The following EPHB4 variants were observed in gnomAD, a reference collection of about 807,000 sequenced individuals.
EPHB4 encodes the protein EPH receptor B4.
Under a neutral mutation model 110.6 loss-of-function variants are expected in EPHB4, and 50 were observed. That is an observed-to-expected ratio of 0.45 (90% CI 0.36 to 0.57). The LOEUF (loss-of-function observed/expected upper bound fraction) is 0.57, where lower values mean the gene tolerates loss of function less well. EPHB4 is among the 20% of genes least tolerant of loss of function. The pLI, the probability that EPHB4 is intolerant of heterozygous loss-of-function variation, is 0.00. For synonymous variants in EPHB4, 592 were observed against 578.4 expected (o/e 1.02, Z -0.34); for missense variants, 1,128 against 1,382.1 (o/e 0.82, Z 2.91).
rs1286422280 is a variant in EPHB4 at position 100,817,331 on chromosome 7, C to A, written c.1449G>T (p.Arg483=). Residue 483 remains arginine, a synonymous_variant, in exon 8 of 17, where the codon CGG becomes CGT. Transcript: ENST00000358173. Reference sequence around the variant, plus strand: ...CCCGGTTTTCTGACGTCTTCAGGAACCGCACGCTGCTGGGACCCTCGGCGC... The same window carrying A: ...CCCGGTTTTCTGACGTCTTCAGGAAACGCACGCTGCTGGGACCCTCGGCGC... ...EKGAEGPSSV[R]FLKTSENRAE... 3 of 1,582,690 alleles carry A rather than the reference C, an allele frequency of 1.9e-6. No individual in the cohort carries two copies. Among genetic ancestry groups the A allele is most frequent in the Non-Finnish European group, 2.6e-6 (3 of 1,165,610 alleles).
Position 100,822,623 on chromosome 7 carries a change from C to T in EPHB4, c.456G>A (p.Gly152=). ...CATTCACCTTCCCGGTGGCCTCGGC[C>T]CCAGGGCGCTTCCGGGTGAGATGCT... ...AAEHLTRKRP[G]AEATGKVNVK... The change falls in exon 4 of 17, where the codon GGG becomes GGA. Residue 152 remains glycine, a synonymous_variant. Coordinates refer to ENST00000358173, the MANE Select transcript of EPHB4 (RefSeq NM_004444.5). The surrounding 1 kb of genome is among the most constrained non-coding windows in gnomAD (Gnocchi z 4.7). 6.3e-7 allele frequency: 1 copy of T among 1,598,830 alleles called. No homozygotes were observed. The highest frequency in any genetic ancestry group is 8.5e-7 in the Non-Finnish European group (1 of 1,170,362).
At chr7:100,814,755 C>T (rs1584659512) in intron 8 of EPHB4, among the ~76,000 whole-genome samples, 1 of 152,176 alleles carries the variant, frequency 6.6e-6, no homozygotes, top group Non-Finnish European at 1.5e-5. Context: ...TGGCTCATGC[C>T]TGTAATCCCA....
intron 15 of EPHB4, 63 bp downstream of exon 15, chr7:100,805,438 C>A: frequency 1.9e-6 from 3 of 1,548,698 alleles, no homozygotes; most frequent in Non-Finnish European, 2.6e-6. Context: ...AATGAACGGA[C>A]ACTTCTGGGC....
At chr7:100,805,424 C>A in intron 15 of EPHB4, 77 bp downstream of exon 15, 1 of 1,566,340 alleles carries the variant, frequency 6.4e-7, no homozygotes, top group Non-Finnish European at 8.7e-7. Flanking sequence ...TCCCACCCAA[C>A]ACCAATGAAC....
Position 100,813,667 on chromosome 7 carries a change from A to G in EPHB4, c.1741T>C (p.Tyr581His), listed in dbSNP as rs761026476. ...EAEYSDKHGQ[Y>H]LIGHGTKVYI... is the part of the protein sequence containing the mutation. ...GGCAACCCACCATGTCCGATGAGATACTGTCCGTGTTTGTCCGAATATTCT... is the reference window on the plus strand; with the variant it reads ...GGCAACCCACCATGTCCGATGAGATGCTGTCCGTGTTTGTCCGAATATTCT... Residue 581 changes from tyrosine to histidine, a missense_variant, in exon 10 of 17, where the codon TAT (tyrosine) becomes CAT (histidine). Around this residue, in one of 3 missense-constraint regions of EPHB4, gnomAD observed 728 missense variants for 828.6 expected, o/e 0.88. Coordinates refer to ENST00000358173, the MANE Select transcript of EPHB4 (RefSeq NM_004444.5). 6.2e-7 allele frequency: 1 copy of G among 1,614,136 alleles called. No individual in the cohort carries two copies. The highest frequency in any genetic ancestry group is 8.5e-7 in the Non-Finnish European group (1 of 1,180,018).
Position 100,822,756 on chromosome 7 carries a change from A to AC in EPHB4, c.412-90dup. On this transcript the variant is annotated intron_variant, in intron 3 of 16. Coordinates refer to ENST00000358173, the MANE Select transcript of EPHB4 (RefSeq NM_004444.5). This position sits in a 1 kb window ranked among gnomAD's most constrained non-coding sequence, Gnocchi z 4.7. ...TGTTCTTCCCAGCTCACCCTCCCGG[A>AC]CCTCCTTGGTTCCCGTTCCAGAATC... 1 of 1,429,394 alleles carries AC rather than the reference A, an allele frequency of 7.0e-7. No individual in the cohort carries two copies. Among genetic ancestry groups the AC allele is most frequent in the Non-Finnish European group, 9.2e-7 (1 of 1,092,702 alleles). 88.5% of individuals were successfully genotyped at this position (1,429,394 alleles called of 1,614,324 possible).
chr7:100,827,024 G>A lies in EPHB4; in HGVS notation c.7C>T (p.Leu3Phe). The A allele has an allele frequency of 6.3e-7, 1 of 1,584,394 alleles. No individual in the cohort carries two copies. The highest frequency in any genetic ancestry group is 8.6e-7 in the Non-Finnish European group (1 of 1,165,836). MELRVLLCWASLA... is the reference protein window; with the variant it reads MEFRVLLCWASLA... ...GAAGCCCAGCAGAGCAGCACCCGGA[G>A]CTCCATGGCGCCGCCTCACTCGGGT... Residue 3 changes from leucine (L) to phenylalanine (F), a missense_variant, in exon 1 of 17, where the codon CTC (leucine) becomes TTC (phenylalanine). Physicochemically the swap from Leu to Phe is conservative, Grantham distance 22 (BLOSUM62 0). Around this residue, in one of 3 missense-constraint regions of EPHB4, gnomAD observed 728 missense variants for 828.6 expected, o/e 0.88. Coordinates refer to ENST00000358173, the MANE Select transcript of EPHB4 (RefSeq NM_004444.5).
intron 8 of EPHB4, among the ~76,000 whole-genome samples, chr7:100,816,579 C>T (rs941464633): frequency 6.6e-6 from 1 of 152,038 alleles, no homozygotes; most frequent in African/African-American, 2.4e-5. Context: ...AGTGATCCTC[C>T]TGCTTCAGCC....
At chr7:100,815,850 C>T (rs1315402740) in intron 8 of EPHB4, among the ~76,000 whole-genome samples, 2 of 151,862 alleles carry the variant, frequency 1.3e-5, no homozygotes, top group Admixed American at 1.3e-4. Context: ...TAGTTGAGCA[C>T]GGTAGCACAT....
At position 100,823,698 on chromosome 7, in the gene EPHB4, A is replaced by G. The variant is rs1190824039; in HGVS notation, c.357T>C (p.Asp119=). ...ETFTVFYYES[D]ADTATALTPA... is the part of the protein sequence containing the mutation. ...GCGTGAGGGCCGTGGCCGTGTCCGC[A>G]TCGCTCTCATAGTAGAAGACGGTGA... Residue 119 remains aspartate, a synonymous_variant, in exon 3 of 17, where the codon GAT becomes GAC. Coordinates refer to ENST00000358173, the MANE Select transcript of EPHB4 (RefSeq NM_004444.5). 7 of 1,613,576 alleles carry G rather than the reference A, an allele frequency of 4.3e-6. No individual in the cohort carries two copies. The highest frequency in any genetic ancestry group is 3.3e-5 in the South Asian group (3 of 91,088).
At chr7:100,807,336 C>T in intron 13 of EPHB4, 29 bp downstream of exon 13, 1 of 1,609,486 alleles carries the variant, frequency 6.2e-7, no homozygotes, top group Non-Finnish European at 8.5e-7. Context: ...CCCTAAGAAG[C>T]TCACACCCAG....
At chr7:100,813,305 GGTTTT>G in intron 10 of EPHB4, 97 bp from the exon 11 acceptor site, 1 of 614,780 alleles carries the variant, frequency 1.6e-6, no homozygotes, top group Non-Finnish European at 2.5e-6. Flanking sequence ...CTGTCTCCGT[GGTTTT>G]TTTTTTTTTT....
Position 100,820,280 on chromosome 7 carries a change from G to T in EPHB4, c.825C>A (p.Thr275=), listed in dbSNP as rs755054849. 14 of 1,613,804 alleles carry T rather than the reference G, an allele frequency of 8.7e-6. No individual in the cohort carries two copies. The highest frequency in any genetic ancestry group is 1.1e-5 in the Non-Finnish European group (13 of 1,179,998). ...ACCCTTCTCCTGACAGGGGCTTGAA[G>T]GTGCCCTGGGCACAGGCTGAGAGAG... ...NTKCRACAQG[T]FKPLSGEGSC... Residue 275 remains threonine, a synonymous_variant, in exon 5 of 17, where the codon ACC becomes ACA. Transcript: ENST00000358173.
chr7:100,812,969 C>G lies in EPHB4; in HGVS notation c.1896G>C (p.Gly632=). ...GAGEFGEVCR[G]RLKAPGKKES... is the part of the protein sequence containing the mutation. ...CCTTCTTCCCTGGGGCCTTGAGCCG[C>G]CCCCGGCACACCTCGCCAAACTCAC... Residue 632 remains glycine (G), a synonymous_variant, in exon 12 of 17, where the codon GGG becomes GGC. Coordinates refer to ENST00000358173, the MANE Select transcript of EPHB4 (RefSeq NM_004444.5). 6.2e-7 allele frequency: 1 copy of G among 1,613,692 alleles called. No individual in the cohort carries two copies.
intron 16 of EPHB4, among the ~76,000 whole-genome samples, chr7:100,804,950 G>A (rs1292628646): frequency 1.3e-5 from 2 of 152,242 alleles, no homozygotes; most frequent in Middle Eastern, 3.2e-3. Context: ...GGCAGGAGGA[G>A]GTGAGGCGGG....
chr7:100,813,893 GGGCCTCT>G lies in EPHB4; in HGVS notation c.1691+19_1691+25del. On this transcript the variant is annotated intron_variant, in intron 9 of 16. Transcript: ENST00000358173. ...GTGGCCATCAACTGAGGGCTTCCAG[GGGCCTCT>G]GGGTGTCAGAGCCCTTACCTGAGGC... The G allele has an allele frequency of 6.2e-7, 1 of 1,612,686 alleles. No homozygotes were observed.
Position 100,827,086 on chromosome 7 carries a change from C to CA in EPHB4, c.-57dup. 1 of 1,537,150 alleles carries CA rather than the reference C, an allele frequency of 6.5e-7. No individual in the cohort carries two copies. The highest frequency in any genetic ancestry group is 8.8e-7 in the Non-Finnish European group (1 of 1,136,434). On this transcript the variant is annotated 5_prime_UTR_variant, in exon 1 of 17. Coordinates refer to ENST00000358173, the MANE Select transcript of EPHB4 (RefSeq NM_004444.5). ...TGAGTTTGGGGGGCCCTCGCCCCCC[C>CA]AGGTCTGACTCTCCCTGGGCGGGTG...
chr7:100,806,658 C>T (rs965897558), intron 13 of EPHB4, 89 bp from the exon 14 acceptor site: 1 of 1,465,264 alleles, frequency 6.8e-7, no homozygotes, highest in Non-Finnish European at 9.2e-7. Flanking sequence ...CCACCTGCCT[C>T]TGCTTTTTCC....
intron 7 of EPHB4, 116 bp from the exon 8 acceptor site, chr7:100,817,473 G>T: frequency 8.3e-7 from 1 of 1,209,104 alleles, no homozygotes; most frequent in Non-Finnish European, 1.1e-6. Flanking sequence ...CAACTGGTGA[G>T]GCCTTTGGGA....
Sources: gnomAD v4.1 joint callset for allele counts (sites outside exome capture counted in the v4.1 genomes callset) on GRCh38, gnomAD v4.1.1 for gene constraint, gnomAD v4.1.1 regional missense constraint, Gnocchi (gnomAD v3.1) non-coding constraint, MANE v1.5 for transcripts, NCBI Gene and HGNC (gene_info 2026-07-23, HGNC 2026-07-21) for gene names.